The following VSIG10 variants were observed in gnomAD, a reference collection of about 807,000 sequenced individuals.
VSIG10 encodes V-set and immunoglobulin domain-containing protein 10.
A neutral mutation model predicts 58.7 loss-of-function variants in VSIG10; 48 were observed. The observed-to-expected ratio is 0.82, with a 90% CI of 0.65 to 1.04. The LOEUF (loss-of-function observed/expected upper bound fraction) is 1.04, where lower values mean the gene tolerates loss of function less well. VSIG10 is among the 50% of genes least tolerant of loss of function. The pLI is 0.00. For synonymous variants in VSIG10, 260 were observed against 267.1 expected (o/e 0.97, Z 0.26); for missense variants, 628 against 670.0 (o/e 0.94, Z 0.69).
At chr12:118,100,718 A>G (rs1337040258) in intron 1 of VSIG10, among the ~76,000 whole-genome samples, 7 of 152,208 alleles carry the variant, frequency 4.6e-5, no homozygotes, top group African/African-American at 1.4e-4. Context: ...TTGTAGAGAC[A>G]GGGTTTCACT....
At chr12:118,094,487 G>A (rs1476211263) in intron 2 of VSIG10, among the ~76,000 whole-genome samples, 13 of 151,508 alleles carry the variant, frequency 8.6e-5, no homozygotes, top group Admixed American at 5.9e-4. Flanking sequence ...GGGTTTAACC[G>A]ATTCTCCTGC....
At position 118,073,923 on chromosome 12, in the gene VSIG10, T is replaced by C; in HGVS notation, c.995A>G (p.Gln332Arg). The change falls in exon 5 of 9, where the codon CAG becomes CGG. Residue 332 changes from glutamine to arginine, a missense_variant. Gln to Arg is a conservative substitution (Grantham distance 43, BLOSUM62 1). Transcript: ENST00000359236. The part of the protein sequence containing the change: ...FTGGNVTLTC[Q>R]VSGAYPPAKI... The stretch of plus-strand genomic sequence containing the variant: ...GGCAGGGGGGTAGGCCCCAGACACC[T>C]GGCATGTAAGCGTCACATTGCCCCC... 6.2e-7 allele frequency: 1 copy of C among 1,612,496 alleles called. No homozygotes were observed. Among genetic ancestry groups the C allele is most frequent in the Non-Finnish European group, 8.5e-7 (1 of 1,178,862 alleles).
Position 118,103,657 on chromosome 12 carries a change from G to T in VSIG10, c.15C>A (p.Gly5=). The part of the protein sequence containing the change: MAAG[G]SAPEPRVLVC... ...CGAGGACGCGGGGCTCGGGCGCACT[G>T]CCGCCTGCGGCCATCTCGCCCCAGA... Residue 5 remains glycine (G), a synonymous_variant, in exon 1 of 9, where the codon GGC becomes GGA. Coordinates refer to ENST00000359236, the MANE Select transcript of VSIG10 (RefSeq NM_019086.6). The T allele has an allele frequency of 1.3e-6, 2 of 1,497,566 alleles. No homozygotes were observed. Among genetic ancestry groups the T allele is most frequent in the Non-Finnish European group, 1.8e-6 (2 of 1,128,914 alleles). 92.8% of individuals were successfully genotyped at this position (1,497,566 alleles called of 1,614,324 possible).
intron 6 of VSIG10, 51 bp from the exon 7 acceptor site, chr12:118,071,118 C>G (rs1294806099): frequency 9.6e-6 from 15 of 1,564,690 alleles, no homozygotes; most frequent in Non-Finnish European, 1.3e-5. Context: ...CCACTTCAAC[C>G]TGACAGGTTC....
intron 2 of VSIG10, among the ~76,000 whole-genome samples, chr12:118,091,309 G>A (rs932958234): frequency 2.0e-5 from 3 of 151,962 alleles, no homozygotes; most frequent in Admixed American, 2.0e-4. Flanking sequence ...TGGCTAACAT[G>A]GTGAAACCCC....
At chr12:118,094,201 T>C (rs2033379982) in intron 2 of VSIG10, among the ~76,000 whole-genome samples, 1 of 150,852 alleles carries the variant, frequency 6.6e-6, no homozygotes, top group Admixed American at 6.6e-5. Flanking sequence ...CTGGAGCTCC[T>C]GGACCCAGGC....
chr12:118,096,318 C>T (rs2033453755), intron 1 of VSIG10, among the ~76,000 whole-genome samples: 1 of 151,984 alleles, frequency 6.6e-6, no homozygotes, highest in Non-Finnish European at 1.5e-5. Context: ...GTGGCTAACG[C>T]CTGTAATCCC....
chr12:118,073,273 C>T (rs1467272319), intron 5 of VSIG10, among the ~76,000 whole-genome samples: 1 of 152,194 alleles, frequency 6.6e-6, no homozygotes, highest in African/African-American at 2.4e-5. Flanking sequence ...GATCCACCCG[C>T]CTCGGCCTCC....
Position 118,095,687 on chromosome 12 carries a change from G to A in VSIG10, c.207C>T (p.Ser69=), listed in dbSNP as rs780955570. 5.6e-5 allele frequency: 90 copies of A among 1,613,812 alleles called. No individual in the cohort carries two copies. The highest frequency in any genetic ancestry group is 1.6e-4 in the Middle Eastern group (1 of 6,084). The change falls in exon 2 of 9, where the codon TCC becomes TCT. Residue 69 remains serine (S), a synonymous_variant. Transcript: ENST00000359236. The part of the protein sequence containing the change: ...NNSEPVFLLS[S]NSSLRPAEPR... Reference sequence around the variant, plus strand: ...GCTCAGCTGGCCGGAGGCTAGAGTTGGACGAGAGAAGGAAGACAGGCTCCG... The same window carrying A: ...GCTCAGCTGGCCGGAGGCTAGAGTTAGACGAGAGAAGGAAGACAGGCTCCG...
chr12:118,070,313 C>T (rs962244159), intron 7 of VSIG10, among the ~76,000 whole-genome samples: 7 of 151,986 alleles, frequency 4.6e-5, no homozygotes, highest in East Asian at 1.9e-4. Flanking sequence ...TTTGGGAGGC[C>T]GAGGCGGGCA....
Position 118,103,885 on chromosome 12 carries a change from G to A in VSIG10, c.-214C>T, listed in dbSNP as rs1184621989. ...GCTGCAGGCTCGGGTCCCCGCTCCCGAGCGCCCTGGCCGGGGAGGGAGGGC... is the reference window on the plus strand; with the variant it reads ...GCTGCAGGCTCGGGTCCCCGCTCCCAAGCGCCCTGGCCGGGGAGGGAGGGC... On this transcript the variant is annotated 5_prime_UTR_variant, in exon 1 of 9. Transcript: ENST00000359236. 1 of 438,870 alleles carries A rather than the reference G, an allele frequency of 2.3e-6. No homozygotes were observed. Among genetic ancestry groups the A allele is most frequent in the Admixed American group, 4.4e-5 (1 of 22,546 alleles). 27.2% of individuals were successfully genotyped at this position (438,870 alleles called of 1,614,324 possible).
Position 118,079,222 on chromosome 12 carries a change from G to A in VSIG10, c.925+124C>T. The A allele has an allele frequency of 2.2e-6, 3 of 1,342,930 alleles. No homozygotes were observed. The South Asian group carries it at 4.6e-5, about 20-fold the overall frequency. 83.2% of individuals were successfully genotyped at this position (1,342,930 alleles called of 1,614,324 possible). A position where few individuals can be genotyped will look rare whatever the true frequency, so the allele number is the denominator to read the frequency against. On this transcript the variant is annotated intron_variant, in intron 4 of 8. Transcript: ENST00000359236. ...ACATAAAGAAAAAGAAAGGGAGAAA[G>A]GGAAGGAATTCAGTCCACCCTGACA...
At chr12:118,069,401 G>T (rs1460295804) in intron 7 of VSIG10, among the ~76,000 whole-genome samples, 1 of 147,250 alleles carries the variant, frequency 6.8e-6, no homozygotes, top group Non-Finnish European at 1.5e-5. Context: ...CCTGGACTGT[G>T]CATTTCTTCT....
intron 2 of VSIG10, among the ~76,000 whole-genome samples, chr12:118,090,171 G>A (rs1279195917): frequency 2.0e-5 from 3 of 152,140 alleles, no homozygotes; most frequent in Admixed American, 1.3e-4. Context: ...AAAATTGGCC[G>A]AGCATGGTGG....
chr12:118,082,546 C>G (rs1169463385), intron 2 of VSIG10, 117 bp from the exon 3 acceptor site: 7 of 1,044,780 alleles, frequency 6.7e-6, no homozygotes, highest in Non-Finnish European at 9.5e-6. Flanking sequence ...TGGTATCTAT[C>G]TAATACTAGG....
chr12:118,067,168 G>A (rs574680016), intron 8 of VSIG10, among the ~76,000 whole-genome samples: 16 of 151,924 alleles, frequency 1.1e-4, no homozygotes, highest in Non-Finnish European at 2.4e-4. Context: ...GGGGCTACAG[G>A]TACATGCCAC....
intron 8 of VSIG10, 83 bp downstream of exon 8, chr12:118,068,294 C>CA (rs2032336135): frequency 1.4e-6 from 2 of 1,460,098 alleles, no homozygotes; most frequent in Admixed American, 4.1e-5. Context: ...CTTGGCCTCC[C>CA]AAAGTGCTGG....
chr12:118,071,200 C>A (rs189082861), intron 6 of VSIG10, 133 bp from the exon 7 acceptor site: 2 of 1,217,530 alleles, frequency 1.6e-6, no homozygotes, highest in Non-Finnish European at 1.2e-6. Context: ...TAGGGTGTCC[C>A]GGGATGGTAC....
intron 8 of VSIG10, 43 bp downstream of exon 8, chr12:118,068,334 T>G: frequency 1.9e-6 from 3 of 1,599,404 alleles, no homozygotes; most frequent in Non-Finnish European, 2.6e-6. Flanking sequence ...CGCGCCTTTT[T>G]TTGTTTGTTT....
Sources: gnomAD v4.1 joint callset for allele counts (sites outside exome capture counted in the v4.1 genomes callset) on GRCh38, gnomAD v4.1.1 for gene constraint, MANE v1.5 for transcripts, NCBI Gene and HGNC (gene_info 2026-07-23, HGNC 2026-07-21) for gene names.